TRPM3: variants seen among roughly 807,000 people sequenced by gnomAD.
TRPM3 encodes long transient receptor potential channel 3.
TRPM3 carries 77 observed loss-of-function variants against 181.2 expected under a neutral mutation model. That is an observed-to-expected ratio of 0.42 (90% confidence interval 0.35 to 0.51). The LOEUF (loss-of-function observed/expected upper bound fraction) is 0.51, where lower values mean the gene tolerates loss of function less well. TRPM3 is among the 20% of genes least tolerant of loss of function. TRPM3 has a pLI of 0.01. For missense variants in TRPM3, 1,759 were observed against 2,196.7 expected, an observed-to-expected ratio of 0.80 and a Z score of 3.98; for synonymous variants, 745 against 796.4, an observed-to-expected ratio of 0.94 and a Z score of 1.09.
intron 1 of TRPM3, among the ~76,000 whole-genome samples, chr9:71,376,492 G>A (rs188296493): frequency 1.8e-4 from 27 of 152,006 alleles, no homozygotes; most frequent in African/African-American, 5.3e-4. Flanking sequence ...ATAAAGTAAT[G>A]CCTTAATATC....
At chr9:71,413,681 T>G (rs554913195) in intron 1 of TRPM3, among the ~76,000 whole-genome samples, 1 of 152,116 alleles carries the variant, frequency 6.6e-6, no homozygotes, top group South Asian at 2.1e-4. Flanking sequence ...AATGCCCTTA[T>G]TTAAAAGGGC....
intron 1 of TRPM3, among the ~76,000 whole-genome samples, chr9:70,904,956 G>T (rs2096441337): frequency 1.3e-5 from 2 of 152,260 alleles, no homozygotes; most frequent in Admixed American, 6.5e-5. Context: ...CATAACATCT[G>T]CTTTGTTGAT....
chr9:70,602,106 CTTTTT>C (rs6151027), intron 20 of TRPM3, among the ~76,000 whole-genome samples: 3 of 128,204 alleles, frequency 2.3e-5, no homozygotes, highest in Non-Finnish European at 4.8e-5. Context: ...CAAGGCATTC[CTTTTT>C]TTTTTTTTTT....
At chr9:71,170,265 G>A (rs1453110576) in intron 1 of TRPM3, among the ~76,000 whole-genome samples, 1 of 152,112 alleles carries the variant, frequency 6.6e-6, no homozygotes, top group African/African-American at 2.4e-5. Flanking sequence ...GAAGGGAAGG[G>A]AAGGGACAGG....
intron 3 of TRPM3, among the ~76,000 whole-genome samples, chr9:70,861,957 G>A (rs1281306409): frequency 1.3e-5 from 2 of 151,906 alleles, no homozygotes; most frequent in Admixed American, 6.6e-5. Context: ...AGGGAAAGGG[G>A]AAGAGGAGAG....
At chr9:71,224,879 T>A (rs1322755712) in intron 1 of TRPM3, among the ~76,000 whole-genome samples, 1 of 150,872 alleles carries the variant, frequency 6.6e-6, no homozygotes, top group African/African-American at 2.4e-5. Flanking sequence ...AAAGAAAAAA[T>A]TAGTGCGCTT....
intron 1 of TRPM3, among the ~76,000 whole-genome samples, chr9:70,965,905 C>A (rs1209262974): frequency 6.6e-6 from 1 of 151,712 alleles, no homozygotes; most frequent in Admixed American, 6.6e-5. Flanking sequence ...TCTCTTTAAA[C>A]TAAAGAGCTT....
intron 1 of TRPM3, among the ~76,000 whole-genome samples, chr9:71,351,155 T>G (rs1354838601): frequency 6.6e-6 from 1 of 152,202 alleles, no homozygotes; most frequent in Non-Finnish European, 1.5e-5. Flanking sequence ...TCTTGTAGAT[T>G]GTTGTCAATT....
rs142276407 is a variant in TRPM3 at position 70,941,398 on chromosome 9, C to T, written c.178-76887G>A. 7.9e-3 allele frequency among the ~76,000 whole-genome samples: 1,204 copies of T among 152,264 alleles called. 4 individuals are homozygous for T. The highest frequency in any genetic ancestry group is 0.02 in the Middle Eastern group (6 of 294). ...AGTGATTTGCCAAGGGCTCTCAGGC[C>T]GTCAGCCACAGACTGAAGGCTGCAC... On this transcript the variant is annotated intron_variant, in intron 1 of 25. Coordinates refer to ENST00000677713, the MANE Select transcript of TRPM3 (RefSeq NM_001366145.2).
intron 9 of TRPM3, among the ~76,000 whole-genome samples, chr9:70,651,802 GAGA>G (rs149099331): frequency 0.017 from 2,585 of 152,158 alleles, 26 homozygotes; most frequent in Middle Eastern, 0.034. Flanking sequence ...AGCTTTCTAG[GAGA>G]AGAAGAGAAG....
At chr9:70,934,189 C>T (rs114109772) in intron 1 of TRPM3, among the ~76,000 whole-genome samples, 1,570 of 152,148 alleles carry the variant, frequency 0.01, 30 homozygotes, top group African/African-American at 0.036. Flanking sequence ...TTTAAGTGGC[C>T]ATCTACATCA....
intron 1 of TRPM3, among the ~76,000 whole-genome samples, chr9:70,991,485 T>C (rs1382736581): frequency 6.6e-6 from 1 of 151,918 alleles, no homozygotes. Flanking sequence ...ATATTTGCTG[T>C]ATCATAATTT....
chr9:71,203,750 T>TGGG (rs1289162394), intron 1 of TRPM3, among the ~76,000 whole-genome samples: 1 of 152,166 alleles, frequency 6.6e-6, no homozygotes, highest in Admixed American at 6.6e-5. Context: ...TGGAACAGTA[T>TGGG]GGGGAGCTTT....
intron 1 of TRPM3, among the ~76,000 whole-genome samples, chr9:71,040,147 T>A (rs1425530541): frequency 2.6e-5 from 4 of 152,180 alleles, no homozygotes; most frequent in African/African-American, 9.7e-5. Flanking sequence ...CTGTTTTCAA[T>A]CTTACACAAA....
At position 71,377,168 on chromosome 9, in the gene TRPM3, G is replaced by A. The variant is rs141373803; in HGVS notation, c.183+69485C>T. Among the ~76,000 whole-genome samples the A allele has an allele frequency of 5.3e-5, 8 of 152,172 alleles. No homozygotes were observed. In the South Asian group the frequency reaches 6.2e-4, roughly 12 times the overall value. Reference sequence around the variant, plus strand: ...TCTGTACCACGCAACACTGCTTCACGTAGATAGAATCATTTAAACATAATG... The same window carrying A: ...TCTGTACCACGCAACACTGCTTCACATAGATAGAATCATTTAAACATAATG... On this transcript the variant is annotated intron_variant, in intron 1 of 24. Coordinates refer to the TRPM3 transcript ENST00000357533.
chr9:71,324,043 T>A (rs1253236292), intron 1 of TRPM3, among the ~76,000 whole-genome samples: 1 of 152,146 alleles, frequency 6.6e-6, no homozygotes, highest in African/African-American at 2.4e-5. Context: ...TTCCCAATGC[T>A]CTTTGTCATG....
At chr9:71,250,293 G>C (rs911084179) in intron 1 of TRPM3, among the ~76,000 whole-genome samples, 2 of 152,146 alleles carry the variant, frequency 1.3e-5, no homozygotes, top group Non-Finnish European at 2.9e-5. Flanking sequence ...AGTTGGGATC[G>C]TAAGTTTTTA....
At chr9:70,695,344 C>A (rs1049779898) in intron 8 of TRPM3, among the ~76,000 whole-genome samples, 2 of 152,208 alleles carry the variant, frequency 1.3e-5, no homozygotes, top group Non-Finnish European at 2.9e-5. Context: ...TGTGTGGGAT[C>A]ATCTTTTTAA....
At chr9:71,078,171 T>C (rs2063734297) in intron 1 of TRPM3, among the ~76,000 whole-genome samples, 1 of 152,168 alleles carries the variant, frequency 6.6e-6, no homozygotes, top group Non-Finnish European at 1.5e-5. Flanking sequence ...TGCAAACATC[T>C]AGAAACCATC....
Sources: allele counts gnomAD v4.1 joint callset (sites outside exome capture counted in the v4.1 genomes callset), GRCh38; gene constraint gnomAD v4.1.1; transcripts MANE v1.5; gene names NCBI Gene and HGNC (gene_info 2026-07-23, HGNC 2026-07-21).